Variants in KMT2C observed in about 807,000 individuals in gnomAD.
KMT2C encodes the protein lysine methyltransferase 2C, also known as histone-lysine N-methyltransferase 2C.
Under a neutral mutation model 507.9 loss-of-function variants are expected in KMT2C, and 88 were observed. That is an observed-to-expected ratio of 0.17 (90% CI 0.15 to 0.21). KMT2C has a LOEUF of 0.21. Among genes scored for constraint, KMT2C ranks in the 10% least tolerant of loss-of-function variants. The pLI, the probability that KMT2C is intolerant of heterozygous loss-of-function variation, is 1.00. For missense variants in KMT2C, 4,954 were observed against 5,957.8 expected, an observed-to-expected ratio of 0.83 and a Z score of 5.55; for synonymous variants, 2,049 against 2,080.8, an observed-to-expected ratio of 0.98 and a Z score of 0.42.
At position 152,183,814 on chromosome 7, in the gene KMT2C, T is replaced by C. The variant is rs12667444; in HGVS notation, c.5083-658A>G. On this transcript the variant is annotated intron_variant, in intron 34 of 58. Coordinates refer to ENST00000262189, the MANE Select transcript of KMT2C (RefSeq NM_170606.3). The stretch of plus-strand genomic sequence containing the variant: ...GGGAGGCTGAGGCAGGAGAATCACT[T>C]GAACTCAGGAGGCGGAGGTTGTGGT... 3.0e-4 allele frequency among the ~76,000 whole-genome samples: 46 copies of C among 152,202 alleles called. 1 individual carries two copies. In the East Asian group the frequency reaches 7.3e-3, roughly 24 times the overall value.
intron 1 of KMT2C, among the ~76,000 whole-genome samples, chr7:152,394,140 AC>A (rs2097522521): frequency 6.6e-6 from 1 of 151,970 alleles, no homozygotes; most frequent in African/African-American, 2.4e-5. Context: ...ATCATCTGTT[AC>A]CCTGCTAATA....
At chr7:152,379,156 T>C (rs2097351040) in intron 1 of KMT2C, among the ~76,000 whole-genome samples, 3 of 152,186 alleles carry the variant, frequency 2.0e-5, no homozygotes, top group Admixed American at 2.0e-4. Context: ...TTTTAAATTA[T>C]TATTATTTTT....
intron 39 of KMT2C, 76 bp from the exon 40 acceptor site, chr7:152,171,418 G>A (rs1052902630): frequency 4.5e-6 from 4 of 897,296 alleles, no homozygotes; most frequent in Non-Finnish European, 6.6e-6. Context: ...ACTGTATTAG[G>A]TGCTTAACAG....
chr7:152,283,603 C>T, intron 6 of KMT2C, among the ~76,000 whole-genome samples: 1 of 152,250 alleles, frequency 6.6e-6, no homozygotes, highest in African/African-American at 2.4e-5. Context: ...TTTCTCCAAA[C>T]AGATGTATGT....
At chr7:152,342,064 A>C (rs1370747761) in intron 2 of KMT2C, among the ~76,000 whole-genome samples, 1 of 152,214 alleles carries the variant, frequency 6.6e-6, no homozygotes, top group Admixed American at 6.5e-5. Flanking sequence ...CACCTGTCTC[A>C]TCAAGTGTAC....
Position 152,255,157 on chromosome 7 carries a change from A to ATGTG in KMT2C, c.1300-2446_1300-2443dup, listed in dbSNP as rs112731121. On this transcript the variant is annotated intron_variant, in intron 9 of 58. Coordinates refer to ENST00000262189, the MANE Select transcript of KMT2C (RefSeq NM_170606.3). ...TATATATATATATACATATATATAT[A>ATGTG]TGTGTGTGTGTGTGTGTGTGTGTTT... 2.4e-3 allele frequency among the ~76,000 whole-genome samples: 306 copies of ATGTG among 128,310 alleles called. 2 individuals carry two copies. Among genetic ancestry groups the ATGTG allele is most frequent in the African/African-American group, 7.8e-3 (259 of 33,038 alleles). The allele number at this position is 128,310 out of a possible 152,430, so 84.2% of individuals were successfully genotyped here. A position where few individuals can be genotyped will look rare whatever the true frequency, so the allele number is the denominator to read the frequency against.
At chr7:152,399,487 G>C (rs891140550) in intron 1 of KMT2C, among the ~76,000 whole-genome samples, 1 of 152,046 alleles carries the variant, frequency 6.6e-6, no homozygotes, top group African/African-American at 2.4e-5. Context: ...TTGGCACTTT[G>C]GGGTAAAACA....
At chr7:152,366,684 T>G (rs945487478) in intron 1 of KMT2C, 1 of 157,850 alleles carries the variant, frequency 6.3e-6, no homozygotes, top group African/African-American at 2.4e-5. Flanking sequence ...GTGTCTACAT[T>G]ATGAATGTAT....
rs2095578489 is a variant in KMT2C at position 152,252,551 on chromosome 7, G to A, written c.1464C>T (p.Cys488=). Residue 488 remains cysteine (C), a synonymous_variant, in exon 10 of 59, where the codon TGC becomes TGT. Transcript: ENST00000262189. The part of the protein sequence containing the change: ...LQKDMLHCNM[C]KRWVHLECDK... ...TAGAATAACTATCTTCTTACCTTTT[G>A]CACATATTACAATGAAGCATGTCTT... 6.2e-7 allele frequency: 1 copy of A among 1,610,930 alleles called. No individual in the cohort carries two copies. Among genetic ancestry groups the A allele is most frequent in the East Asian group, 2.2e-5 (1 of 44,818 alleles).
At chr7:152,371,613 ATTTCAT>A (rs1217081577) in intron 1 of KMT2C, among the ~76,000 whole-genome samples, 1 of 151,422 alleles carries the variant, frequency 6.6e-6, no homozygotes, top group Non-Finnish European at 1.5e-5. Flanking sequence ...TAATTTTTTC[ATTTCAT>A]TTTATTTTTT....
At chr7:152,318,997 A>G (rs1025177233) in intron 3 of KMT2C, among the ~76,000 whole-genome samples, 4 of 152,308 alleles carry the variant, frequency 2.6e-5, no homozygotes, top group African/African-American at 9.6e-5. Context: ...CCGAAATTCA[A>G]AACTTTTTAA....
chr7:152,375,542 C>T lies in KMT2C; in HGVS notation c.162-16867G>A, dbSNP rs1478813250. 4.7e-5 allele frequency among the ~76,000 whole-genome samples: 7 copies of T among 150,312 alleles called. 1 individual carries two copies. Among genetic ancestry groups the T allele is most frequent in the Non-Finnish European group, 7.4e-5 (5 of 67,748 alleles). On this transcript the variant is annotated intron_variant, in intron 1 of 58. Transcript: ENST00000262189. ...CTGGGATTACAGGCGCCCACAACCACGCCCAGCTAATTTTTGTATTTTTAG... is the reference window on the plus strand; with the variant it reads ...CTGGGATTACAGGCGCCCACAACCATGCCCAGCTAATTTTTGTATTTTTAG...
chr7:152,179,979 T>G lies in KMT2C; in HGVS notation c.7297A>C (p.Thr2433Pro), dbSNP rs762469340. 2.7e-5 allele frequency: 44 copies of G among 1,613,990 alleles called. No homozygotes were observed. The highest frequency in any genetic ancestry group is 3.6e-5 in the Non-Finnish European group (42 of 1,180,026). The change falls in exon 37 of 59, where the codon ACC (threonine) becomes CCC (proline). Residue 2433 changes from threonine to proline, a missense_variant. Physicochemically the swap from Thr to Pro is conservative, Grantham distance 38. Transcript: ENST00000262189. The part of the protein sequence containing the change: ...WQPENVNQAF[T>P]RPPPPYPGNI... The stretch of plus-strand genomic sequence containing the variant: ...CCAGGATAGGGAGGTGGGGGTCTGG[T>G]GAAAGCCTGGTTAACATTCTCTGGT...
intron 40 of KMT2C, 124 bp from the exon 41 acceptor site, chr7:152,169,373 T>C: frequency 1.6e-6 from 1 of 628,816 alleles, no homozygotes; most frequent in East Asian, 2.8e-5. Flanking sequence ...CTAAGATATC[T>C]TTTAAAGGTT....
intron 44 of KMT2C, among the ~76,000 whole-genome samples, chr7:152,157,258 G>A (rs2092117121): frequency 6.7e-6 from 1 of 149,308 alleles, no homozygotes; most frequent in South Asian, 2.1e-4. Context: ...AATTTGGGAG[G>A]CAGAGATTGC....
intron 2 of KMT2C, among the ~76,000 whole-genome samples, chr7:152,335,607 G>T (rs2096926662): frequency 6.6e-6 from 1 of 152,062 alleles, no homozygotes; most frequent in African/African-American, 2.4e-5. Context: ...TACCATATAT[G>T]ACCTCCAGTC....
chr7:152,309,098 T>C (rs1401558543), intron 6 of KMT2C, among the ~76,000 whole-genome samples: 1 of 152,200 alleles, frequency 6.6e-6, no homozygotes, highest in African/African-American at 2.4e-5. Context: ...GTCCACATTA[T>C]GGACTAATGA....
At chr7:152,178,384 G>C (rs898238800) in intron 37 of KMT2C, among the ~76,000 whole-genome samples, 1 of 152,142 alleles carries the variant, frequency 6.6e-6, no homozygotes, top group African/African-American at 2.4e-5. Context: ...GTTCGATGGA[G>C]GAAGCTGATT....
At position 152,177,858 on chromosome 7, in the gene KMT2C, T is replaced by C. The variant is rs202115182; in HGVS notation, c.7595A>G (p.Asn2532Ser). ...MPRPLNNSQM[N>S]NPVGLPQHFS... ...ATGCTGAGGAAGTCCAACTGGATTA[T>C]TCATTTGTGAGTTATTTAAAGGCCT... The change falls in exon 38 of 59, where the codon AAT (asparagine) becomes AGT (serine). Residue 2532 changes from asparagine to serine, a missense_variant. This residue lies in a region of KMT2C where 1,689 missense variants were observed against 1,654.3 expected (regional missense o/e 1.02). Transcript: ENST00000262189. 2 of 1,613,772 alleles carry C rather than the reference T, an allele frequency of 1.2e-6. No individual in the cohort carries two copies. The highest frequency in any genetic ancestry group is 2.2e-5 in the East Asian group (1 of 44,850).
Sources: gnomAD v4.1 joint callset for allele counts (sites outside exome capture counted in the v4.1 genomes callset) on GRCh38, gnomAD v4.1.1 for gene constraint, gnomAD v4.1.1 regional missense constraint, MANE v1.5 for transcripts, NCBI Gene and HGNC (gene_info 2026-07-23, HGNC 2026-07-21) for gene names.